Variants in POLR2F observed in about 807,000 individuals in gnomAD.
POLR2F encodes the protein DNA-directed RNA polymerases I, II, and III subunit RPABC2.
A neutral mutation model predicts 22.7 loss-of-function variants in POLR2F; 12 were observed. The observed-to-expected ratio is 0.53, with a 90% CI of 0.34 to 0.86. The LOEUF is 0.86. Ranked by LOEUF, POLR2F falls within the 40% of genes least tolerant of loss-of-function variation. The pLI, the probability that POLR2F is intolerant of heterozygous loss-of-function variation, is 0.02. For missense variants in POLR2F, 126 were observed against 171.5 expected, an observed-to-expected ratio of 0.73 and a Z score of 1.48; for synonymous variants, 57 against 66.0, an observed-to-expected ratio of 0.86 and a Z score of 0.66.
chr22:37,965,334 G>A lies in POLR2F; in HGVS notation c.222-1765G>A, dbSNP rs1601871329. ...AACAACTGTTTGTTGGGTAGGTTTT[G>A]GATGGGGTTTCAGTCTGGTTCATTA... On this transcript the variant is annotated intron_variant, in intron 3 of 4. Transcript: ENST00000442738. 3.3e-5 allele frequency among the ~76,000 whole-genome samples: 5 copies of A among 152,306 alleles called. No individual in the cohort carries two copies. In the Middle Eastern group the frequency reaches 0.017, roughly 518 times the overall value.
downstream of POLR2F, chr22:37,972,109 A>G: frequency 3.6e-6 from 1 of 279,302 alleles, no homozygotes; most frequent in East Asian, 1.2e-4. Context: ...AGAGAGAGAA[A>G]GAGAGGAGAG....
chr22:37,971,458 G>A (rs1186145332), downstream of POLR2F, among the ~76,000 whole-genome samples: 2 of 152,224 alleles, frequency 1.3e-5, no homozygotes, highest in Non-Finnish European at 2.9e-5. Flanking sequence ...AGTGGAGCAA[G>A]ATGGCAAAGA....
chr22:37,960,644 G>A (rs868568283), intron 3 of POLR2F, among the ~76,000 whole-genome samples: 4 of 151,372 alleles, frequency 2.6e-5, no homozygotes, highest in Non-Finnish European at 5.9e-5. Context: ...CTCATGATCC[G>A]CCCGCCTCGG....
At position 37,968,909 on chromosome 22, in the gene POLR2F, C is replaced by G. The variant is rs780566541; in HGVS notation, c.*1194C>G. 2.0e-6 allele frequency: 2 copies of G among 985,316 alleles called. No individual in the cohort carries two copies. The highest frequency in any genetic ancestry group is 2.4e-6 in the Non-Finnish European group (2 of 829,848). The allele number at this position is 985,316 out of a possible 1,614,324, so 61.0% of individuals were successfully genotyped here. A position where few individuals can be genotyped will look rare whatever the true frequency, so the allele number is the denominator to read the frequency against. On this transcript the variant is annotated 3_prime_UTR_variant, in exon 5 of 5. Transcript: ENST00000442738. ...CCTGGAGAAGGGTTAATTCAGGGAGCAGTGGACTTCACACTCCCATCCACC... is the reference window on the plus strand; with the variant it reads ...CCTGGAGAAGGGTTAATTCAGGGAGGAGTGGACTTCACACTCCCATCCACC...
intron 1 of POLR2F, among the ~76,000 whole-genome samples, chr22:38,023,836 C>A (rs1275603680): frequency 1.7e-5 from 2 of 119,748 alleles, no homozygotes; most frequent in Non-Finnish European, 3.3e-5. Flanking sequence ...CCACGCCTGG[C>A]TAATTTTTTT....
downstream of POLR2F, chr22:37,973,758 A>G: frequency 6.3e-7 from 1 of 1,598,512 alleles, no homozygotes; most frequent in Non-Finnish European, 8.5e-7. Context: ...AGGGAGGTGT[A>G]GGCGATCTGT....
At chr22:37,993,555 G>A (rs898877524) in intron 1 of POLR2F, among the ~76,000 whole-genome samples, 1 of 152,220 alleles carries the variant, frequency 6.6e-6, no homozygotes, top group African/African-American at 2.4e-5. Context: ...GAGTGATGAT[G>A]AGCTGAGCTG....
intron 1 of POLR2F, 77 bp downstream of exon 1, chr22:37,953,884 G>T (rs759087722): frequency 2.6e-6 from 4 of 1,523,536 alleles, no homozygotes; most frequent in Non-Finnish European, 3.6e-6. Context: ...CGGCTGAGGA[G>T]CCTGGCGTCT....
chr22:38,018,119 A>C (rs945478102), intron 1 of POLR2F, among the ~76,000 whole-genome samples: 1 of 152,226 alleles, frequency 6.6e-6, no homozygotes, highest in Non-Finnish European at 1.5e-5. Flanking sequence ...GTGGGGACTC[A>C]GGCTATAGCC....
At chr22:38,034,780 GAC>G (rs1569186070) in intron 5 of POLR2F, among the ~76,000 whole-genome samples, 1 of 152,220 alleles carries the variant, frequency 6.6e-6, no homozygotes, top group African/African-American at 2.4e-5. Context: ...AGCCAGCAGA[GAC>G]ACAGAGCGCA....
At chr22:38,009,246 T>C (rs1194169675) in intron 1 of POLR2F, among the ~76,000 whole-genome samples, 2 of 152,176 alleles carry the variant, frequency 1.3e-5, no homozygotes, top group Non-Finnish European at 2.9e-5. Flanking sequence ...GCAGTGGGGC[T>C]GCGAGGGTTT....
intron 5 of POLR2F, chr22:38,040,805 G>C: frequency 1.9e-6 from 1 of 534,044 alleles, no homozygotes; most frequent in Admixed American, 3.2e-5. Context: ...ATGGTGAAGG[G>C]AGCATGGCAG....
chr22:38,035,820 T>A (rs1474069085), intron 5 of POLR2F, among the ~76,000 whole-genome samples: 1 of 152,064 alleles, frequency 6.6e-6, no homozygotes, highest in Non-Finnish European at 1.5e-5. Context: ...CAGCCTCACG[T>A]CTCAGAGCCC....
chr22:37,972,967 A>G (rs147459224), downstream of POLR2F: 104 of 155,778 alleles, frequency 6.7e-4, 2 homozygotes, highest in African/African-American at 2.3e-3. Flanking sequence ...CCACTCCCCA[A>G]TGAGGCTCCT....
intron 4 of POLR2F, among the ~76,000 whole-genome samples, chr22:37,975,137 A>G (rs1932184953): frequency 6.6e-6 from 1 of 152,194 alleles, no homozygotes; most frequent in Non-Finnish European, 1.5e-5. Flanking sequence ...CTATTCACAT[A>G]TTAATTTAGC....
intron 3 of POLR2F, among the ~76,000 whole-genome samples, chr22:37,963,192 C>T (rs1401592509): frequency 6.6e-6 from 1 of 151,910 alleles, no homozygotes; most frequent in African/African-American, 2.4e-5. Flanking sequence ...TCACCATGTT[C>T]GTTGGCCAGG....
rs1301276148 is a variant in POLR2F at position 37,953,720 on chromosome 22, G to C, written c.-68G>C. On this transcript the variant is annotated 5_prime_UTR_variant, in exon 1 of 5. Coordinates refer to ENST00000442738, the MANE Select transcript of POLR2F (RefSeq NM_021974.5). ...AGATAAGCTAGGAGCCGCGCGAGTC[G>C]TAGTGTCGCTGTTTGCGGGTCTCCG... 1 of 1,566,576 alleles carries C rather than the reference G, an allele frequency of 6.4e-7. No homozygotes were observed. Among genetic ancestry groups the C allele is most frequent in the Non-Finnish European group, 8.6e-7 (1 of 1,156,842 alleles).
At chr22:37,971,104 GA>G, downstream of POLR2F, 1 of 389,502 alleles carries the variant, frequency 2.6e-6, no homozygotes, top group Non-Finnish European at 5.3e-6. Context: ...CAGATGGAAG[GA>G]AGGGAGCTGA....
chr22:38,039,335 G>A (rs758997245), intron 5 of POLR2F, among the ~76,000 whole-genome samples: 1 of 152,178 alleles, frequency 6.6e-6, no homozygotes, highest in Admixed American at 6.5e-5. Flanking sequence ...CTGCCGTCCG[G>A]GGACACAATT....
Sources: gnomAD v4.1 joint callset for allele counts (sites outside exome capture counted in the v4.1 genomes callset) on GRCh38, gnomAD v4.1.1 for gene constraint, MANE v1.5 for transcripts, NCBI Gene and HGNC (gene_info 2026-07-23, HGNC 2026-07-21) for gene names.